The following MOGAT3 variants were observed in gnomAD, a reference collection of about 807,000 sequenced individuals.
MOGAT3 encodes 2-acylglycerol O-acyltransferase 3.
Under a neutral mutation model 34.4 loss-of-function variants are expected in MOGAT3, and 39 were observed. The observed-to-expected ratio is 1.13, with a 90% CI of 0.88 to 1.48. MOGAT3 has a LOEUF of 1.48. Among genes scored for constraint, MOGAT3 ranks in the 40% most tolerant of loss-of-function variants. The pLI is 0.00. For missense variants in MOGAT3, 439 were observed against 438.9 expected (o/e 1.00, Z 0.00); for synonymous variants, 209 against 179.2 (o/e 1.17, Z -1.33).
chr7:101,193,137 C>T (rs114487751), downstream of MOGAT3, among the ~76,000 whole-genome samples: 1,870 of 152,230 alleles, frequency 0.012, 39 homozygotes, highest in African/African-American at 0.043. Context: ...TGCTCTGTTG[C>T]CCAGGCTGGT....
Position 101,195,396 on chromosome 7 carries a change from G to A in MOGAT3, c.*550C>T, listed in dbSNP as rs1265645828. The A allele has an allele frequency of 2.7e-5, 4 of 147,704 alleles. No homozygotes were observed. Among genetic ancestry groups the A allele is most frequent in the African/African-American group, 1.0e-4 (4 of 39,202 alleles). 9.1% of individuals were successfully genotyped at this position (147,704 alleles called of 1,614,324 possible). On this transcript the variant is annotated 3_prime_UTR_variant, in exon 7 of 7. Coordinates refer to ENST00000223114, the MANE Select transcript of MOGAT3 (RefSeq NM_178176.4). Reference sequence around the variant, plus strand: ...TGCCCGGCTAATTTTTGTAGTTTTAGTAGAGAGGGGGTTTTGCCATTTTGG... The same window carrying A: ...TGCCCGGCTAATTTTTGTAGTTTTAATAGAGAGGGGGTTTTGCCATTTTGG...
rs1257022851 is a variant in MOGAT3 at position 101,195,780 on chromosome 7, T to G, written c.*166A>C. ...GTTGCCCAGGCTGGTCTTCAACTCC[T>G]GGGCTCAAACGATCCTCCCACCTTG... On this transcript the variant is annotated 3_prime_UTR_variant, in exon 7 of 7. Coordinates refer to ENST00000223114, the MANE Select transcript of MOGAT3 (RefSeq NM_178176.4). The G allele has an allele frequency of 1.6e-5, 11 of 694,502 alleles. No individual in the cohort carries two copies. Among genetic ancestry groups the G allele is most frequent in the Admixed American group, 2.7e-5 (1 of 37,128 alleles). 43.0% of individuals were successfully genotyped at this position (694,502 alleles called of 1,614,324 possible). A position where few individuals can be genotyped will look rare whatever the true frequency, so the allele number is the denominator to read the frequency against.
chr7:101,194,130 A>C (rs1278337613), downstream of MOGAT3, among the ~76,000 whole-genome samples: 1 of 152,004 alleles, frequency 6.6e-6, no homozygotes, highest in African/African-American at 2.4e-5. Flanking sequence ...AGTAGCTGGG[A>C]TGACAATCAT....
intron 5 of MOGAT3, 83 bp downstream of exon 5, chr7:101,198,108 A>C (rs2158612): frequency 1 from 1,488,350 of 1,488,378 alleles, 744,161 homozygotes; most frequent in Middle Eastern, 1. Flanking sequence ...CGGATCCCCC[A>C]TGCAGGGACC....
downstream of MOGAT3, among the ~76,000 whole-genome samples, chr7:101,193,098 TA>T (rs71526852): frequency 6.6e-6 from 1 of 151,854 alleles, no homozygotes; most frequent in Non-Finnish European, 1.5e-5. Context: ...AATAAATAAA[TA>T]AAATAAAATA....
rs1334170714 is a variant in MOGAT3, at chr7:101,200,308, C to A, written c.218-4G>T. 1 of 1,613,872 alleles carries A rather than the reference C, an allele frequency of 6.2e-7. No homozygotes were observed. The highest frequency in any genetic ancestry group is 1.1e-5 in the South Asian group (1 of 91,082). On this transcript the variant is annotated splice_polypyrimidine_tract_variant and splice_region_variant and intron_variant, in intron 2 of 6. Coordinates refer to ENST00000223114, the MANE Select transcript of MOGAT3 (RefSeq NM_178176.4). ...ATCCACTCCGAACGCCTTCCACCTG[C>A]GGACAATGAGATACTGGTGGACGAA... is the stretch of plus-strand genomic sequence containing the variant.
chr7:101,199,724 C>T (rs1797900624), intron 3 of MOGAT3, among the ~76,000 whole-genome samples: 2 of 151,806 alleles, frequency 1.3e-5, no homozygotes, highest in Non-Finnish European at 2.9e-5. Context: ...AAGCAATCCT[C>T]CCACCTCGGC....
rs202188378 is a variant in MOGAT3 at position 101,198,653 on chromosome 7, C to G, written c.466G>C (p.Val156Leu). 332 of 1,613,442 alleles carry G rather than the reference C, an allele frequency of 2.1e-4. No individual in the cohort carries two copies. The highest frequency in any genetic ancestry group is 2.7e-4 in the Non-Finnish European group (313 of 1,180,040). Residue 156 changes from valine (V) to leucine (L), a missense_variant, in exon 4 of 7, where the codon GTC becomes CTC. Transcript: ENST00000223114. ...AAGGACATGATGTAGTCGCGATAGA[C>G]CGGGAGGTAGAAGAGGCCAGCCAGC... is the stretch of plus-strand genomic sequence containing the variant. ...AVLAGLFYLPVYRDYIMSFGL... is the reference protein window; with the variant it reads ...AVLAGLFYLPLYRDYIMSFGL...
Position 101,196,230 on chromosome 7 carries a change from G to T in MOGAT3, c.828C>A (p.Thr276=), listed in dbSNP as rs200500378. The T allele has an allele frequency of 9.4e-6, 15 of 1,593,414 alleles. No homozygotes were observed. The East Asian group carries it at 3.4e-4, about 36-fold the overall frequency. Residue 276 remains threonine, a synonymous_variant, in exon 6 of 7, where the codon ACC becomes ACA. Transcript: ENST00000223114. ...IFWGRGLFSA[T]SWGLLPFAVP... is the part of the protein sequence containing the mutation. ...CAGCAAAGGGCAGCAGGCCCCAGGA[G>T]GTGGCTGAGAAGAGACCGCGACCCC...
At position 101,200,184 on chromosome 7, in the gene MOGAT3, G is replaced by A. The variant is rs754027427; in HGVS notation, c.288+50C>T. The A allele has an allele frequency of 1.6e-5, 24 of 1,485,900 alleles. No individual in the cohort carries two copies. The Admixed American group carries it at 4.0e-4, about 25-fold the overall frequency. 92.0% of individuals were successfully genotyped at this position (1,485,900 alleles called of 1,614,324 possible). A position where few individuals can be genotyped will look rare whatever the true frequency, so the allele number is the denominator to read the frequency against. ...CAAGGAAGGGCTCCTAGGTGTGGGA[G>A]GGAGATGGGGAGAGGTAGGAAGCAG... is the stretch of plus-strand genomic sequence containing the variant. On this transcript the variant is annotated intron_variant, in intron 3 of 6. Coordinates refer to ENST00000223114, the MANE Select transcript of MOGAT3 (RefSeq NM_178176.4).
At chr7:101,199,541 C>T (rs1261308352) in intron 3 of MOGAT3, among the ~76,000 whole-genome samples, 3 of 151,084 alleles carry the variant, frequency 2.0e-5, no homozygotes, top group African/African-American at 7.3e-5. Context: ...GTCTCGAACT[C>T]CTGACCTTAG....
At chr7:101,194,245 T>C (rs974322606), downstream of MOGAT3, among the ~76,000 whole-genome samples, 31 of 151,960 alleles carry the variant, frequency 2.0e-4, no homozygotes, top group Non-Finnish European at 4.0e-4. Context: ...TGGAGTGCAA[T>C]GGTGCGATCT....
chr7:101,196,430 G>T (rs776059880), intron 5 of MOGAT3, 41 bp from the exon 6 acceptor site: 3 of 1,506,676 alleles, frequency 2.0e-6, no homozygotes, highest in Non-Finnish European at 2.7e-6. Flanking sequence ...CAGGCTGCTG[G>T]ACTGCTCCGA....
chr7:101,198,703 G>A lies in MOGAT3; in HGVS notation c.416C>T (p.Pro139Leu), dbSNP rs750752755. 9 of 1,613,686 alleles carry A rather than the reference G, an allele frequency of 5.6e-6. No homozygotes were observed. Among genetic ancestry groups the A allele is most frequent in the Non-Finnish European group, 4.2e-6 (5 of 1,180,002 alleles). Reference protein sequence around the residue: ...TESNGFSQLFPGLRPWLAVLA... With the variant: ...TESNGFSQLFLGLRPWLAVLA... Reference sequence around the variant, plus strand: ...CACGGCTAACCAGGGCCGGAGCCCCGGGAAGAGCTGGGAGAAGCCATTGCT... The same window carrying A: ...CACGGCTAACCAGGGCCGGAGCCCCAGGAAGAGCTGGGAGAAGCCATTGCT... Residue 139 changes from proline (P) to leucine (L), a missense_variant, in exon 4 of 7, where the codon CCG becomes CTG. By Grantham distance (98) the Pro-to-Leu change is moderately conservative. Coordinates refer to ENST00000223114, the MANE Select transcript of MOGAT3 (RefSeq NM_178176.4).
In MOGAT3 at chr7:101,200,220, G is replaced by A. The variant is rs377317682; in HGVS notation, c.288+14C>T. On this transcript the variant is annotated intron_variant, in intron 3 of 6. Coordinates refer to ENST00000223114, the MANE Select transcript of MOGAT3 (RefSeq NM_178176.4). ...AGAGGTAGGAAGCAGTTTTTCTGCA[G>A]GGTGACCCATCACCTTGACAGGATA... The A allele has an allele frequency of 1.3e-4, 205 of 1,611,596 alleles. No individual in the cohort carries two copies. Among genetic ancestry groups the A allele is most frequent in the Non-Finnish European group, 1.7e-4 (203 of 1,177,900 alleles).
chr7:101,197,478 A>G (rs889147268), intron 5 of MOGAT3, among the ~76,000 whole-genome samples: 2 of 151,988 alleles, frequency 1.3e-5, no homozygotes, highest in Admixed American at 6.6e-5. Flanking sequence ...GTGAACCACC[A>G]CGCCCAGCCG....
At position 101,195,626 on chromosome 7, in the gene MOGAT3, C is replaced by G; in HGVS notation, c.*320G>C. 2.9e-6 allele frequency: 1 copy of G among 345,794 alleles called. No homozygotes were observed. Among genetic ancestry groups the G allele is most frequent in the Non-Finnish European group, 5.3e-6 (1 of 187,334 alleles). 21.4% of individuals were successfully genotyped at this position (345,794 alleles called of 1,614,324 possible). On this transcript the variant is annotated 3_prime_UTR_variant, in exon 7 of 7. Transcript: ENST00000223114. ...GTGTGATCTCAGCTCACTGCAACCT[C>G]CGCCTCCTGGGTTTAAGCAAGTCTC...
chr7:101,197,758 G>C (rs899685508), intron 5 of MOGAT3, among the ~76,000 whole-genome samples: 1 of 152,114 alleles, frequency 6.6e-6, no homozygotes, highest in Non-Finnish European at 1.5e-5. Flanking sequence ...AAATTAGCCC[G>C]GAGTGGTGGT....
Position 101,200,464 on chromosome 7 carries a change from G to A in MOGAT3, c.161C>T (p.Pro54Leu). 6.2e-7 allele frequency: 1 copy of A among 1,609,270 alleles called. No individual in the cohort carries two copies. The highest frequency in any genetic ancestry group is 8.5e-7 in the Non-Finnish European group (1 of 1,177,672). Residue 54 changes from proline to leucine, a missense_variant, in exon 2 of 7, where the codon CCC becomes CTC. By Grantham distance (98) the Pro-to-Leu change is moderately conservative. Transcript: ENST00000223114. Reference protein sequence around the residue: ...VFVLLFTSLWPFSVFYLVWLY... With the variant: ...VFVLLFTSLWLFSVFYLVWLY... ...CCACACCAAGTAAAAAACAGAGAAG[G>A]GCCAGAGTGACGTGAAGAGGAGGAC...
Sources: gnomAD v4.1 joint callset for allele counts (sites outside exome capture counted in the v4.1 genomes callset) on GRCh38, gnomAD v4.1.1 for gene constraint, MANE v1.5 for transcripts, NCBI Gene and HGNC (gene_info 2026-07-23, HGNC 2026-07-21) for gene names.